PCDHGB6: variants seen among roughly 807,000 people sequenced by gnomAD.
PCDHGB6 encodes the protein protocadherin gamma-B6.
A neutral mutation model predicts 59.1 loss-of-function variants in PCDHGB6; 51 were observed. The ratio of observed to expected loss-of-function variants is 0.86; its 90% CI spans 0.69 to 1.09. The LOEUF (loss-of-function observed/expected upper bound fraction) is 1.09. Ranked by LOEUF, PCDHGB6 falls within the 50% of genes least tolerant of loss-of-function variation. The probability of loss-of-function intolerance (pLI) is 0.00; values close to 1 mark genes in which losing one functional copy is unlikely to be tolerated. For synonymous variants in PCDHGB6, 466 were observed against 495.1 expected (o/e 0.94, Z 0.78); for missense variants, 1,148 against 1,205.1 (o/e 0.95, Z 0.70).
In PCDHGB6 at chr5:141,494,832, G is replaced by A. The variant is rs758427900; in HGVS notation, c.2444G>A (p.Arg815His). The A allele has an allele frequency of 1.2e-6, 2 of 1,614,066 alleles. No homozygotes were observed. Among genetic ancestry groups the A allele is most frequent in the Non-Finnish European group, 1.7e-6 (2 of 1,179,994 alleles). The change falls in exon 2 of 4, where the codon CGT (arginine) becomes CAT (histidine). Residue 815 changes from arginine (R) to histidine (H), a missense_variant. This residue lies in a region of PCDHGB6 where 283 missense variants were observed against 318.6 expected (regional missense o/e 0.89). Transcript: ENST00000520790. ...CAAGCCCCGCCCAACACGGACTGGC[G>A]TTTCTCTCAGGCCCAGAGACCCGGC... ...TSQAPPNTDW[R>H]FSQAQRPGTS...
rs765756193 is a variant in PCDHGB6, at chr5:141,511,105, C to T, written c.2725C>T (p.Arg909Trp). The T allele has an allele frequency of 2.8e-5, 46 of 1,614,196 alleles. No individual in the cohort carries two copies. In the East Asian group the frequency reaches 3.1e-4, roughly 11 times the overall value. Residue 909 changes from arginine to tryptophan, a missense_variant, in exon 4 of 4, where the codon CGG becomes TGG. Transcript: ENST00000520790. ...CACACTGACCAACGCAGCTGGCAAG[C>T]GGGATGGCAAGGCCCCAGCAGGTGG... ...NATLTNAAGK[R>W]DGKAPAGGNG...
In PCDHGB6 at chr5:141,418,905, T is replaced by C. The variant is rs144920415; in HGVS notation, c.2418+8285T>C. The C allele has an allele frequency of 5.0e-6, 8 of 1,613,944 alleles. No homozygotes were observed. The East Asian group carries it at 1.8e-4, about 36-fold the overall frequency. ...AACGACAACAGCCCAGAAATAATCA[T>C]CACGTCACTCTCTGATCAGATTATG... On this transcript the variant is annotated intron_variant, in intron 1 of 3. Coordinates refer to ENST00000520790, the MANE Select transcript of PCDHGB6 (RefSeq NM_018926.3).
In PCDHGB6 at chr5:141,408,093, G is replaced by C. The variant is rs533105778; in HGVS notation, c.-110G>C. On this transcript the variant is annotated 5_prime_UTR_variant, in exon 1 of 4. Transcript: ENST00000520790. ...CCTTTCCCAGCACAGCGGATTGCCA[G>C]CTCCGAGACCCGGGACTCCTCCTGT... The C allele has an allele frequency of 7.0e-6, 10 of 1,429,954 alleles. No homozygotes were observed. In the Admixed American group the frequency reaches 1.4e-4, roughly 20 times the overall value. 88.6% of individuals were successfully genotyped at this position (1,429,954 alleles called of 1,614,324 possible).
chr5:141,413,656 G>A, intron 1 of PCDHGB6: 1 of 1,613,872 alleles, frequency 6.2e-7, no homozygotes, highest in Non-Finnish European at 8.5e-7. Flanking sequence ...TCTCCCGGAA[G>A]CTATTGATCC....
chr5:141,420,050 C>A, intron 1 of PCDHGB6: 1 of 1,614,076 alleles, frequency 6.2e-7, no homozygotes. Context: ...TGAGTCAGTT[C>A]TCTGCTCCAA....
rs2154543015 is a variant in PCDHGB6, at chr5:141,410,350, A to G, written c.2148A>G (p.Arg716=). ...TTCTGGCCATTGCCTTGCGCCTGCG[A>G]CGCTCTCTCAGCCCTGCTACTTGGG... is the stretch of plus-strand genomic sequence containing the variant. The part of the protein sequence containing the change: ...AVILAIALRL[R]RSLSPATWDC... The change falls in exon 1 of 4, where the codon CGA becomes CGG. Residue 716 remains arginine, a synonymous_variant. Coordinates refer to ENST00000520790, the MANE Select transcript of PCDHGB6 (RefSeq NM_018926.3). The G allele has an allele frequency of 1.2e-6, 2 of 1,613,912 alleles. No individual in the cohort carries two copies. Among genetic ancestry groups the G allele is most frequent in the South Asian group, 1.1e-5 (1 of 91,080 alleles).
At chr5:141,414,230 C>T in intron 1 of PCDHGB6, 5 of 1,613,308 alleles carry the variant, frequency 3.1e-6, no homozygotes, top group Non-Finnish European at 4.2e-6. Flanking sequence ...CCAGAGCTGA[C>T]CATCACGTCT....
At chr5:141,423,099 G>C (rs1344463949) in intron 1 of PCDHGB6, 1 of 1,613,826 alleles carries the variant, frequency 6.2e-7, no homozygotes, top group Non-Finnish European at 8.5e-7. Flanking sequence ...GGGAGCACAC[G>C]GGCGAGGTGC....
In PCDHGB6 at chr5:141,431,221, A is replaced by T; in HGVS notation, c.2418+20601A>T. 6.2e-7 allele frequency: 1 copy of T among 1,614,124 alleles called. No homozygotes were observed. The highest frequency in any genetic ancestry group is 8.5e-7 in the Non-Finnish European group (1 of 1,180,026). On this transcript the variant is annotated intron_variant, in intron 1 of 3. Transcript: ENST00000520790. The surrounding 1 kb of genome is among the most constrained non-coding windows in gnomAD (Gnocchi z 4.8). Reference sequence around the variant, plus strand: ...CAGCCACTGAGATGCGGTTCCCTCTACCCCACGCCTGGGATCCGGATATCG... The same window carrying T: ...CAGCCACTGAGATGCGGTTCCCTCTTCCCCACGCCTGGGATCCGGATATCG...
intron 1 of PCDHGB6, chr5:141,430,898 G>A: frequency 6.2e-7 from 1 of 1,605,834 alleles, no homozygotes; most frequent in East Asian, 2.2e-5. Flanking sequence ...TAGGGTGGGC[G>A]ACATCTCCAG....
At chr5:141,439,996 G>C (rs1156373511) in intron 1 of PCDHGB6, 1 of 153,262 alleles carries the variant, frequency 6.5e-6, no homozygotes, top group African/African-American at 2.4e-5. Flanking sequence ...GTTTGGTGGT[G>C]GGAAACCTTG....
intron 1 of PCDHGB6, among the ~76,000 whole-genome samples, chr5:141,455,904 TTTATTTA>T: frequency 6.8e-6 from 1 of 147,982 alleles, no homozygotes. Flanking sequence ...TATTTATTTA[TTTATTTA>T]TTTTGAGACG....
chr5:141,491,571 C>G lies in PCDHGB6; in HGVS notation c.2419-3236C>G. The G allele has an allele frequency of 6.2e-7, 1 of 1,614,026 alleles. No individual in the cohort carries two copies. The highest frequency in any genetic ancestry group is 8.5e-7 in the Non-Finnish European group (1 of 1,180,042). ...CGCAGAGCCACTGCTACAGGACGTG[C>G]TTTTCACCGGCCTCGGACGGCAGTG... On this transcript the variant is annotated intron_variant, in intron 1 of 3. Transcript: ENST00000520790. This position sits in a 1 kb window ranked among gnomAD's most constrained non-coding sequence, Gnocchi z 6.9.
chr5:141,496,126 C>T (rs934132550), intron 2 of PCDHGB6, among the ~76,000 whole-genome samples: 2 of 152,062 alleles, frequency 1.3e-5, no homozygotes, highest in African/African-American at 4.8e-5. Context: ...CCCTGCCCCT[C>T]ACACACTGAG....
chr5:141,505,413 C>G lies in PCDHGB6; in HGVS notation c.2498C>G (p.Thr833Ser). ...CCCAGCTCCCAAAATGGCGATGACA[C>G]CGGCACCTGGCCCAACAACCAGTTT... Reference protein sequence around the residue: ...GTSGSQNGDDTGTWPNNQFDT... With the variant: ...GTSGSQNGDDSGTWPNNQFDT... Residue 833 changes from threonine to serine, a missense_variant, in exon 3 of 4, where the codon ACC (threonine) becomes AGC (serine). Physicochemically the swap from Thr to Ser is moderately conservative, Grantham distance 58. Around this residue, in one of 5 missense-constraint regions of PCDHGB6, gnomAD observed 283 missense variants for 318.6 expected, o/e 0.89. Coordinates refer to ENST00000520790, the MANE Select transcript of PCDHGB6 (RefSeq NM_018926.3). 2.5e-6 allele frequency: 4 copies of G among 1,614,202 alleles called. No individual in the cohort carries two copies. In the South Asian group the frequency reaches 4.4e-5, roughly 18 times the overall value.
intron 1 of PCDHGB6, chr5:141,418,394 T>C: frequency 6.2e-7 from 1 of 1,614,020 alleles, no homozygotes; most frequent in Non-Finnish European, 8.5e-7. Flanking sequence ...CGAGTATTTC[T>C]CATTGGTGGA....
chr5:141,427,768 A>C (rs1003238906), intron 1 of PCDHGB6: 4 of 1,393,994 alleles, frequency 2.9e-6, no homozygotes, highest in Non-Finnish European at 4.0e-6. Context: ...ACTGACTTGG[A>C]GCTGCGGGCA....
intron 1 of PCDHGB6, among the ~76,000 whole-genome samples, chr5:141,433,948 T>C (rs1473404279): frequency 2.0e-5 from 3 of 152,234 alleles, no homozygotes; most frequent in Non-Finnish European, 4.4e-5. Context: ...CATTGTTTCT[T>C]CTACAGTTGT....
In PCDHGB6 at chr5:141,409,582, C is replaced by A. The variant is rs2095287974; in HGVS notation, c.1380C>A (p.His460Gln). Residue 460 changes from histidine (H) to glutamine (Q), a missense_variant, in exon 1 of 4, where the codon CAC (histidine) becomes CAA (glutamine). Physicochemically the swap from His to Gln is conservative, Grantham distance 24. This residue lies in a region of PCDHGB6 where 549 missense variants were observed against 527.5 expected (regional missense o/e 1.04). Coordinates refer to ENST00000520790, the MANE Select transcript of PCDHGB6 (RefSeq NM_018926.3). ...PVFDQTSYVV[H>Q]VAENNPPGAS... ...TCGACCAGACGTCCTACGTGGTCCA[C>A]GTGGCCGAGAACAACCCGCCAGGAG... 2.5e-6 allele frequency: 4 copies of A among 1,613,914 alleles called. No homozygotes were observed. The Middle Eastern group carries it at 4.9e-4, about 200-fold the overall frequency.
Sources: allele counts gnomAD v4.1 joint callset (sites outside exome capture counted in the v4.1 genomes callset), GRCh38; gene constraint gnomAD v4.1.1; regional missense constraint gnomAD v4.1.1; non-coding constraint Gnocchi (gnomAD v3.1); transcripts MANE v1.5; gene names NCBI Gene and HGNC (gene_info 2026-07-23, HGNC 2026-07-21).